The following FOXK1 variants were observed in gnomAD, a reference collection of about 807,000 sequenced individuals.
FOXK1 encodes forkhead box protein K1.
A neutral mutation model predicts 51.9 loss-of-function variants in FOXK1; 19 were observed. That is an observed-to-expected ratio of 0.37 (90% confidence interval 0.26 to 0.54). The LOEUF (loss-of-function observed/expected upper bound fraction) is 0.54, where lower values mean the gene tolerates loss of function less well. FOXK1 is among the 20% of genes least tolerant of loss of function. The probability of loss-of-function intolerance (pLI) is 0.87; values close to 1 mark genes in which losing one functional copy is unlikely to be tolerated. For synonymous variants in FOXK1, 537 were observed against 482.6 expected, an observed-to-expected ratio of 1.11 and a Z score of -1.48; for missense variants, 870 against 1,032.7, an observed-to-expected ratio of 0.84 and a Z score of 2.16.
At chr7:4,692,709 C>T (rs180878795) in intron 1 of FOXK1, among the ~76,000 whole-genome samples, 8 of 151,990 alleles carry the variant, frequency 5.3e-5, no homozygotes, top group African/African-American at 1.9e-4. Flanking sequence ...CCACCGCACC[C>T]GGCTGGGTAG....
rs1781032417 is a variant in FOXK1 at position 4,767,631 on chromosome 7, A to G, written c.*5167A>G. 1 of 152,096 alleles carries G rather than the reference A, an allele frequency of 6.6e-6. No homozygotes were observed. The highest frequency in any genetic ancestry group is 1.5e-5 in the Non-Finnish European group (1 of 68,028). The allele number at this position is 152,096 out of a possible 1,614,324, so 9.4% of individuals were successfully genotyped here. A position where few individuals can be genotyped will look rare whatever the true frequency, so the allele number is the denominator to read the frequency against. ...TGAGGGTAGAATTTGAAATATAACAAATGGTCTCTCGCCCGGTTCTGTCCC... is the reference window on the plus strand; with the variant it reads ...TGAGGGTAGAATTTGAAATATAACAGATGGTCTCTCGCCCGGTTCTGTCCC... On this transcript the variant is annotated 3_prime_UTR_variant, in exon 9 of 9. Coordinates refer to ENST00000328914, the MANE Select transcript of FOXK1 (RefSeq NM_001037165.2). This position sits in a 1 kb window ranked among gnomAD's most constrained non-coding sequence, Gnocchi z 6.6.
rs1780753775 is a variant in FOXK1, at chr7:4,749,957, C to T, written c.747-4502C>T. Among the ~76,000 whole-genome samples the T allele has an allele frequency of 6.6e-6, 1 of 152,208 alleles. No homozygotes were observed. The highest frequency in any genetic ancestry group is 2.4e-5 in the African/African-American group (1 of 41,458). ...CTGCACTGGCATGTCCTGGGTGGTCCCAGTGGCACCTTCTAGGCCCGGCCC... is the reference window on the plus strand; with the variant it reads ...CTGCACTGGCATGTCCTGGGTGGTCTCAGTGGCACCTTCTAGGCCCGGCCC... On this transcript the variant is annotated intron_variant, in intron 2 of 8. Transcript: ENST00000328914. The surrounding 1 kb of genome is among the most constrained non-coding windows in gnomAD (Gnocchi z 6.0).
At chr7:4,737,481 TGTGGGCGTGTGC>T (rs1780568622) in intron 1 of FOXK1, among the ~76,000 whole-genome samples, 2 of 151,568 alleles carry the variant, frequency 1.3e-5, no homozygotes, top group South Asian at 4.2e-4. Context: ...TGTGCGTGGG[TGTGGGCGTGTGC>T]GTGGGTGTGT....
intron 1 of FOXK1, among the ~76,000 whole-genome samples, chr7:4,736,537 C>T (rs959740882): frequency 5.9e-5 from 9 of 151,876 alleles, no homozygotes; most frequent in South Asian, 4.2e-4. Flanking sequence ...CTCAGCCTCC[C>T]GAGTAGCTGG....
At position 4,761,268 on chromosome 7, in the gene FOXK1, G is replaced by T; in HGVS notation, c.1901G>T (p.Ser634Ile). The change falls in exon 8 of 9, where the codon AGT becomes ATT. Residue 634 changes from serine to isoleucine, a missense_variant. Physicochemically the swap from Ser to Ile is moderately radical, Grantham distance 142 (BLOSUM62 -2). Coordinates refer to ENST00000328914, the MANE Select transcript of FOXK1 (RefSeq NM_001037165.2). This position sits in a 1 kb window ranked among gnomAD's most constrained non-coding sequence, Gnocchi z 6.2. The part of the protein sequence containing the change: ...QNGKHAVPTN[S>I]LAGNAYALTS... ...GGAAAGCATGCGGTTCCCACGAACA[G>T]TTTAGCCGGCAACGCTTACGGTGAG... The T allele has an allele frequency of 6.2e-7, 1 of 1,612,806 alleles. No individual in the cohort carries two copies. The highest frequency in any genetic ancestry group is 8.5e-7 in the Non-Finnish European group (1 of 1,180,016).
chr7:4,744,333 C>T (rs1449772637), intron 2 of FOXK1, among the ~76,000 whole-genome samples: 3 of 152,076 alleles, frequency 2.0e-5, no homozygotes, highest in South Asian at 2.1e-4. Context: ...GTGGGGATTG[C>T]GCTTCTGGGG....
chr7:4,701,222 C>G (rs1780017585), intron 1 of FOXK1, among the ~76,000 whole-genome samples: 1 of 152,164 alleles, frequency 6.6e-6, no homozygotes, highest in Non-Finnish European at 1.5e-5. Flanking sequence ...TTTTTCTGAG[C>G]TGCTTATCTA....
intron 1 of FOXK1, among the ~76,000 whole-genome samples, chr7:4,721,589 CTTTTTTT>C (rs200132324): frequency 8.7e-4 from 98 of 112,648 alleles, no homozygotes; most frequent in Non-Finnish European, 1.3e-3. Flanking sequence ...TCTTTTTTTT[CTTTTTTT>C]TTTTTTTTTT....
intron 1 of FOXK1, among the ~76,000 whole-genome samples, chr7:4,699,947 C>T (rs1193033235): frequency 1.3e-5 from 2 of 152,162 alleles, no homozygotes; most frequent in Admixed American, 6.5e-5. Flanking sequence ...GTTGAATCGG[C>T]TAGGACCTCC....
chr7:4,688,335 CAAAT>C (rs911143660), intron 1 of FOXK1, among the ~76,000 whole-genome samples: 10 of 149,342 alleles, frequency 6.7e-5, no homozygotes, highest in Non-Finnish European at 1.5e-4. Context: ...TTACTGTCCT[CAAAT>C]AATCAGTGCA....
In FOXK1 at chr7:4,761,158, C is replaced by T. The variant is rs751855164; in HGVS notation, c.1791C>T (p.Pro597=). The change falls in exon 8 of 9, where the codon CCC becomes CCT. Residue 597 remains proline, a synonymous_variant. Transcript: ENST00000328914. This position sits in a 1 kb window ranked among gnomAD's most constrained non-coding sequence, Gnocchi z 6.2. ...CCAGCCAGATGGCCCCCGGGGTCCC[C>T]GGACACACGGTCACCATCCTGCAGC... ...TVASQMAPGV[P]GHTVTILQPA... 2.6e-5 allele frequency: 42 copies of T among 1,612,552 alleles called. No homozygotes were observed. Among genetic ancestry groups the T allele is most frequent in the African/African-American group, 6.7e-5 (5 of 74,938 alleles).
Position 4,768,356 on chromosome 7 carries a change from TCTC to T in FOXK1, c.*5895_*5897del, listed in dbSNP as rs1184258393. ...ACCGTGTTAGCCAGGATGGTCTCGATCTCCTGACCTCGTGATCCGCCCGCCTCG... is the reference window on the plus strand; with the variant it reads ...ACCGTGTTAGCCAGGATGGTCTCGATCTGACCTCGTGATCCGCCCGCCTCG... On this transcript the variant is annotated 3_prime_UTR_variant, in exon 9 of 9. Transcript: ENST00000328914. 7.2e-6 allele frequency: 1 copy of T among 138,310 alleles called. No homozygotes were observed. Among genetic ancestry groups the T allele is most frequent in the African/African-American group, 3.4e-5 (1 of 29,434 alleles). 8.6% of individuals were successfully genotyped at this position (138,310 alleles called of 1,614,324 possible).
intron 1 of FOXK1, among the ~76,000 whole-genome samples, chr7:4,701,434 A>C (rs556059793): frequency 1.3e-5 from 2 of 152,214 alleles, no homozygotes; most frequent in South Asian, 2.1e-4. Flanking sequence ...GTATTTTTTT[A>C]AATGTGGAAA....
At chr7:4,686,986 G>A (rs1779827324) in intron 1 of FOXK1, among the ~76,000 whole-genome samples, 1 of 150,296 alleles carries the variant, frequency 6.7e-6, no homozygotes, top group Admixed American at 6.6e-5. Context: ...AGGCTGGAGT[G>A]CAGTGGCGCG....
In FOXK1 at chr7:4,762,110, T is replaced by C; in HGVS notation, c.1922-74T>C. The stretch of plus-strand genomic sequence containing the variant: ...GGTTCCGGCTTGGTGGCTTAGCCCC[T>C]GTATAGGGGACTTGAAAAAAGCAGC... On this transcript the variant is annotated intron_variant, in intron 8 of 8. Coordinates refer to ENST00000328914, the MANE Select transcript of FOXK1 (RefSeq NM_001037165.2). The surrounding 1 kb of genome is among the most constrained non-coding windows in gnomAD (Gnocchi z 5.7). 15 of 1,479,086 alleles carry C rather than the reference T, an allele frequency of 1.0e-5. No homozygotes were observed. The highest frequency in any genetic ancestry group is 1.4e-5 in the Non-Finnish European group (15 of 1,102,956). 91.6% of individuals were successfully genotyped at this position (1,479,086 alleles called of 1,614,324 possible).
chr7:4,721,388 C>T (rs892561493), intron 1 of FOXK1, among the ~76,000 whole-genome samples: 13 of 152,102 alleles, frequency 8.5e-5, no homozygotes, highest in Admixed American at 5.9e-4. Flanking sequence ...CCATTCCCTG[C>T]GACCCCCAGC....
chr7:4,724,616 G>A (rs908032935), intron 1 of FOXK1, among the ~76,000 whole-genome samples: 3 of 152,240 alleles, frequency 2.0e-5, no homozygotes, highest in African/African-American at 7.2e-5. Context: ...TGTGTGCGCT[G>A]CGTGGCTCCA....
chr7:4,758,995 G>A lies in FOXK1; in HGVS notation c.1245-56G>A, dbSNP rs1453239203. 4.6e-6 allele frequency: 7 copies of A among 1,514,778 alleles called. No individual in the cohort carries two copies. The highest frequency in any genetic ancestry group is 6.2e-6 in the Non-Finnish European group (7 of 1,137,050). 93.8% of individuals were successfully genotyped at this position (1,514,778 alleles called of 1,614,324 possible). ...CTGAGATGCGTGATGTCTCGGAAACGTCCTCGCATCCCTCAGCGCGGGCGC... is the reference window on the plus strand; with the variant it reads ...CTGAGATGCGTGATGTCTCGGAAACATCCTCGCATCCCTCAGCGCGGGCGC... On this transcript the variant is annotated intron_variant, in intron 5 of 8. Transcript: ENST00000328914. This position sits in a 1 kb window ranked among gnomAD's most constrained non-coding sequence, Gnocchi z 4.4.
chr7:4,710,994 C>T (rs1387618264), intron 1 of FOXK1, among the ~76,000 whole-genome samples: 3 of 152,302 alleles, frequency 2.0e-5, no homozygotes, highest in African/African-American at 4.8e-5. Flanking sequence ...CTGGGAAGCC[C>T]CATCACGGTG....
Sources: allele counts gnomAD v4.1 joint callset (sites outside exome capture counted in the v4.1 genomes callset), GRCh38; gene constraint gnomAD v4.1.1; non-coding constraint Gnocchi (gnomAD v3.1); transcripts MANE v1.5; gene names NCBI Gene and HGNC (gene_info 2026-07-23, HGNC 2026-07-21).